Variants in GLDN observed in about 807,000 individuals in gnomAD.
GLDN encodes the protein gliomedin.
In GLDN, 47 loss-of-function variants were observed where a neutral mutation model predicts 56.5. The observed-to-expected ratio is 0.83, with a 90% CI of 0.66 to 1.06. GLDN has a LOEUF of 1.06. Among genes scored for constraint, GLDN ranks in the 50% least tolerant of loss-of-function variants. The pLI is 0.00. For missense variants in GLDN, 782 were observed against 714.3 expected, an observed-to-expected ratio of 1.09 and a Z score of -1.08; for synonymous variants, 332 against 278.8, an observed-to-expected ratio of 1.19 and a Z score of -1.90.
intron 1 of GLDN, among the ~76,000 whole-genome samples, chr15:51,370,729 C>T (rs908539320): frequency 5.9e-5 from 9 of 152,098 alleles, no homozygotes; most frequent in Admixed American, 1.3e-4. Context: ...CAGTGGCTCA[C>T]GCCTGTAATC....
intron 1 of GLDN, among the ~76,000 whole-genome samples, chr15:51,356,068 G>T (rs190429812): frequency 6.6e-6 from 1 of 151,612 alleles, no homozygotes; most frequent in Non-Finnish European, 1.5e-5. Flanking sequence ...TTAGCCGGGC[G>T]TGGTGGTGCG....
intron 1 of GLDN, chr15:51,351,133 A>G (rs2037068546): frequency 3.4e-6 from 1 of 298,114 alleles, no homozygotes; most frequent in Non-Finnish European, 6.5e-6. Context: ...TTCTCTTCTT[A>G]TCTCCTCCCA....
rs74323711 is a variant in GLDN at position 51,377,179 on chromosome 15, G to A, written c.364-270G>A. ...TTTATACCAGCATCACCACAAACAC[G>A]AAGTCATGCATTGCACCAAGACACT... On this transcript the variant is annotated intron_variant, in intron 1 of 9. Coordinates refer to ENST00000335449, the MANE Select transcript of GLDN (RefSeq NM_181789.4). The A allele has an allele frequency of 2.7e-3, 1,317 of 484,444 alleles. 14 individuals are homozygous for A. The highest frequency in any genetic ancestry group is 0.021 in the African/African-American group (1,088 of 51,776). The allele number at this position is 484,444 out of a possible 1,614,324, so 30.0% of individuals were successfully genotyped here.
At chr15:51,383,209 A>G (rs931350019) in intron 2 of GLDN, among the ~76,000 whole-genome samples, 4 of 152,222 alleles carry the variant, frequency 2.6e-5, no homozygotes, top group Admixed American at 1.3e-4. Flanking sequence ...GACAGCTCAG[A>G]AATTAATCTT....
At chr15:51,342,527 A>G (rs976615878) in intron 1 of GLDN, among the ~76,000 whole-genome samples, 2 of 152,114 alleles carry the variant, frequency 1.3e-5, no homozygotes, top group Non-Finnish European at 2.9e-5. Flanking sequence ...CTGGCTTTTC[A>G]CCTGGCATCG....
rs1364305602 is a variant in GLDN at position 51,341,911 on chromosome 15, C to T, written c.227C>T (p.Pro76Leu). 1 of 1,593,278 alleles carries T rather than the reference C, an allele frequency of 6.3e-7. No individual in the cohort carries two copies. ...TTCCTGGCCGAGTTGAGCCGCGCGC[C>T]GCGCGGGGCGTCCGCACCACCCCAA... ...RSFLAELSRA[P>L]RGASAPPQDP... Residue 76 changes from proline (P) to leucine (L), a missense_variant, in exon 1 of 10, where the codon CCG (proline) becomes CTG (leucine). Pro to Leu is a moderately conservative substitution (Grantham distance 98). Coordinates refer to ENST00000335449, the MANE Select transcript of GLDN (RefSeq NM_181789.4).
intron 1 of GLDN, among the ~76,000 whole-genome samples, chr15:51,351,894 A>G (rs2141051537): frequency 6.6e-6 from 1 of 152,322 alleles, no homozygotes; most frequent in African/African-American, 2.4e-5. Context: ...CCTCATCTGT[A>G]TGACTGAGAA....
chr15:51,398,850 T>C (rs2038190243), intron 6 of GLDN, among the ~76,000 whole-genome samples: 1 of 152,200 alleles, frequency 6.6e-6, no homozygotes, highest in African/African-American at 2.4e-5. Context: ...TGACCCGAGC[T>C]TTTGCAGAAT....
rs924718414 is a variant in GLDN at position 51,354,276 on chromosome 15, T to A, written c.363+12229T>A. On this transcript the variant is annotated intron_variant, in intron 1 of 9. Transcript: ENST00000335449. Reference sequence around the variant, plus strand: ...TTGTGAATAAGTGTACTCCAAAATGTTGAGCTGGTGATGGCAAAATAATTC... The same window carrying A: ...TTGTGAATAAGTGTACTCCAAAATGATGAGCTGGTGATGGCAAAATAATTC... Among the ~76,000 whole-genome samples the A allele has an allele frequency of 2.6e-5, 4 of 152,332 alleles. No individual in the cohort carries two copies. In the South Asian group the frequency reaches 8.3e-4, roughly 32 times the overall value.
chr15:51,355,382 G>C (rs893376295), intron 1 of GLDN, among the ~76,000 whole-genome samples: 1 of 152,168 alleles, frequency 6.6e-6, no homozygotes, highest in Admixed American at 6.5e-5. Flanking sequence ...AACTGTCATG[G>C]TGCTGGTGGG....
intron 4 of GLDN, among the ~76,000 whole-genome samples, chr15:51,388,709 G>A (rs928178005): frequency 6.6e-6 from 1 of 152,218 alleles, no homozygotes; most frequent in Non-Finnish European, 1.5e-5. Context: ...TCTGACTTCT[G>A]GACACCTGCT....
chr15:51,379,828 T>C (rs1310946358), intron 2 of GLDN, among the ~76,000 whole-genome samples: 1 of 152,204 alleles, frequency 6.6e-6, no homozygotes, highest in African/African-American at 2.4e-5. Flanking sequence ...CAGGGTTTCT[T>C]GTCCAAAAGA....
Position 51,397,506 on chromosome 15 carries a change from G to T in GLDN, c.725G>T (p.Gly242Val). The T allele has an allele frequency of 6.4e-7, 1 of 1,574,684 alleles. No individual in the cohort carries two copies. Among genetic ancestry groups the T allele is most frequent in the South Asian group, 1.2e-5 (1 of 85,676 alleles). ...KGDQGPPGPP[G>V]PPGPPGPPGP... is the part of the protein sequence containing the mutation. ...GACCAAGGCCCACCCGGTCCACCTG[G>T]GCCCCCAGGCCCTCCAGGTCCTCCA... Residue 242 changes from glycine (G) to valine (V), a missense_variant, in exon 6 of 10, where the codon GGG becomes GTG. Coordinates refer to ENST00000335449, the MANE Select transcript of GLDN (RefSeq NM_181789.4).
At chr15:51,379,924 T>C (rs967709259) in intron 2 of GLDN, among the ~76,000 whole-genome samples, 1 of 152,194 alleles carries the variant, frequency 6.6e-6, no homozygotes, top group Admixed American at 6.5e-5. Context: ...TCATACTCCA[T>C]GAAGCATAGA....
At chr15:51,362,512 A>C (rs1339019170) in intron 1 of GLDN, among the ~76,000 whole-genome samples, 1 of 150,694 alleles carries the variant, frequency 6.6e-6, no homozygotes, top group Non-Finnish European at 1.5e-5. Flanking sequence ...AAAAGAAAGA[A>C]AGGATGTCAG....
intron 1 of GLDN, among the ~76,000 whole-genome samples, chr15:51,375,223 GT>G: frequency 6.6e-6 from 1 of 152,292 alleles, no homozygotes; most frequent in African/African-American, 2.4e-5. Flanking sequence ...TTGAAAAATA[GT>G]TTAATGGAAA....
rs1425953048 is a variant in GLDN, at chr15:51,407,887, A to G, written c.*3133A>G. The G allele has an allele frequency of 6.6e-6, 1 of 152,224 alleles. No individual in the cohort carries two copies. The highest frequency in any genetic ancestry group is 1.5e-5 in the Non-Finnish European group (1 of 68,036). The allele number at this position is 152,224 out of a possible 1,614,324, so 9.4% of individuals were successfully genotyped here. On this transcript the variant is annotated 3_prime_UTR_variant, in exon 10 of 10. Transcript: ENST00000335449. ...ATGCTGTGGCCCTGTGTTTCACAGCATTAAGAGCCATAATTTCCAACCTGC... is the reference window on the plus strand; with the variant it reads ...ATGCTGTGGCCCTGTGTTTCACAGCGTTAAGAGCCATAATTTCCAACCTGC...
chr15:51,388,372 C>T (rs1227792404), intron 4 of GLDN, among the ~76,000 whole-genome samples: 1 of 152,100 alleles, frequency 6.6e-6, no homozygotes, highest in Admixed American at 6.5e-5. Flanking sequence ...TGGAATCAAT[C>T]AAAATATTGA....
At chr15:51,402,524 A>G (rs963306154) in intron 9 of GLDN, among the ~76,000 whole-genome samples, 9 of 152,322 alleles carry the variant, frequency 5.9e-5, no homozygotes, top group Middle Eastern at 6.8e-3. Context: ...ACTAAAAACA[A>G]AAAGATGGAC....
Sources: allele counts gnomAD v4.1 joint callset (sites outside exome capture counted in the v4.1 genomes callset), GRCh38; gene constraint gnomAD v4.1.1; transcripts MANE v1.5; gene names NCBI Gene and HGNC (gene_info 2026-07-23, HGNC 2026-07-21).